Variants in MCPH1 observed in about 807,000 individuals in gnomAD.
MCPH1 encodes microcephalin 1.
A neutral mutation model predicts 84.5 loss-of-function variants in MCPH1; 104 were observed. The ratio of observed to expected loss-of-function variants is 1.23; its 90% confidence interval spans 1.05 to 1.45. The LOEUF is 1.45. Among genes scored for constraint, MCPH1 ranks in the 40% most tolerant of loss-of-function variants. The pLI, the probability that MCPH1 is intolerant of heterozygous loss-of-function variation, is 0.00. For synonymous variants in MCPH1, 514 were observed against 366.8 expected (o/e 1.40, Z -4.58); for missense variants, 1,498 against 1,005.7 (o/e 1.49, Z -6.62).
At chr8:6,637,364 A>C (rs1477087391) in intron 13 of MCPH1, among the ~76,000 whole-genome samples, 1 of 152,182 alleles carries the variant, frequency 6.6e-6, no homozygotes, top group Non-Finnish European at 1.5e-5. Context: ...CAGATGATGA[A>C]GAGAAGGATG....
At chr8:6,484,023 A>G (rs1171662644) in intron 11 of MCPH1, among the ~76,000 whole-genome samples, 1 of 152,230 alleles carries the variant, frequency 6.6e-6, no homozygotes, top group Non-Finnish European at 1.5e-5. Flanking sequence ...GTGTAGGCAA[A>G]GAGTTCTTAG....
At chr8:6,605,904 C>T (rs1352049610) in intron 12 of MCPH1, among the ~76,000 whole-genome samples, 3 of 152,090 alleles carry the variant, frequency 2.0e-5, no homozygotes, top group African/African-American at 4.8e-5. Flanking sequence ...TCCATGTTGG[C>T]CAGGCTGGTC....
intron 9 of MCPH1, among the ~76,000 whole-genome samples, chr8:6,462,298 C>A (rs1416551180): frequency 6.6e-6 from 1 of 152,118 alleles, no homozygotes; most frequent in Non-Finnish European, 1.5e-5. Flanking sequence ...AGAATATGAG[C>A]CCATAAGGAC....
At position 6,479,273 on chromosome 8, in the gene MCPH1, A is replaced by G. The variant is rs761232230; in HGVS notation, c.1974-1441A>G. 2.6e-5 allele frequency among the ~76,000 whole-genome samples: 4 copies of G among 151,602 alleles called. No homozygotes were observed. In the Admixed American group the frequency reaches 2.6e-4, roughly 10 times the overall value. ...CAGAGTGAGACCCTGTCTCAAAACA[A>G]TAAAATAAAACTAAGGAACACCATC... On this transcript the variant is annotated intron_variant, in intron 10 of 13. Coordinates refer to ENST00000344683, the MANE Select transcript of MCPH1 (RefSeq NM_024596.5).
Position 6,421,157 on chromosome 8 carries a change from G to A in MCPH1, c.233+6274G>A, listed in dbSNP as rs189281618. Among the ~76,000 whole-genome samples, 25 of 152,236 alleles carry A rather than the reference G, an allele frequency of 1.6e-4. 1 individual carries two copies. The highest frequency in any genetic ancestry group is 4.6e-4 in the Admixed American group (7 of 15,284). Reference sequence around the variant, plus strand: ...TCTGAAGCTTTCTTCCCGTTTCTCCGCCATTTTGTCTCTTAATGTGCATGC... The same window carrying A: ...TCTGAAGCTTTCTTCCCGTTTCTCCACCATTTTGTCTCTTAATGTGCATGC... On this transcript the variant is annotated intron_variant, in intron 3 of 13. Transcript: ENST00000344683.
intron 12 of MCPH1, among the ~76,000 whole-genome samples, chr8:6,524,185 G>A (rs1817913246): frequency 6.6e-6 from 1 of 152,088 alleles, no homozygotes; most frequent in African/African-American, 2.4e-5. Context: ...TAAAGGAAGG[G>A]GACCTCATAT....
chr8:6,445,217 G>A lies in MCPH1; in HGVS notation c.1495G>A (p.Val499Met), dbSNP rs146586991. The A allele has an allele frequency of 6.3e-4, 1,021 of 1,614,256 alleles. 8 individuals carry two copies. The African/African-American group carries it at 0.012, about 18-fold the overall frequency. Residue 499 changes from valine to methionine, a missense_variant, in exon 8 of 14, where the codon GTG (valine) becomes ATG (methionine). Physicochemically the swap from Val to Met is conservative, Grantham distance 21. Coordinates refer to ENST00000344683, the MANE Select transcript of MCPH1 (RefSeq NM_024596.5). ...NGEGRATSSC[V>M]TSAPEEALRC... is the part of the protein sequence containing the mutation. ...TGAAGGCCGTGCAACTTCGAGTTGC[G>A]TGACTTCTGCCCCTGAAGAAGCCCT...
At chr8:6,587,445 C>CT (rs1828086699) in intron 12 of MCPH1, among the ~76,000 whole-genome samples, 2 of 152,276 alleles carry the variant, frequency 1.3e-5, no homozygotes, top group South Asian at 4.1e-4. Context: ...GGTTGGATGG[C>CT]TTTTGGCAAT....
At chr8:6,427,115 T>C (rs1307946383) in intron 3 of MCPH1, among the ~76,000 whole-genome samples, 2 of 152,210 alleles carry the variant, frequency 1.3e-5, no homozygotes, top group African/African-American at 4.8e-5. Flanking sequence ...TAAGTATTTG[T>C]GTCTCTGAAA....
intron 12 of MCPH1, among the ~76,000 whole-genome samples, chr8:6,572,186 GAA>G (rs10706929): frequency 3.8e-4 from 56 of 149,250 alleles, no homozygotes; most frequent in Admixed American, 9.3e-4. Flanking sequence ...TTTCCCTCAA[GAA>G]AAAAAAAAAA....
rs759315047 is a variant in MCPH1 at position 6,601,686 on chromosome 8, C to G, written c.2215-19768C>G. Among the ~76,000 whole-genome samples, 96 of 149,120 alleles carry G rather than the reference C, an allele frequency of 6.4e-4. 1 individual carries two copies. The highest frequency in any genetic ancestry group is 1.2e-3 in the Non-Finnish European group (84 of 67,798). On this transcript the variant is annotated intron_variant, in intron 12 of 13. Coordinates refer to ENST00000344683, the MANE Select transcript of MCPH1 (RefSeq NM_024596.5). ...CATTAAATACACATGCCACTACACA[C>G]AGTGCATACCACACACAACACACAC... is the stretch of plus-strand genomic sequence containing the variant.
In MCPH1 at chr8:6,642,977, T is replaced by C. The variant is rs774057990; in HGVS notation, c.2453-17T>C. On this transcript the variant is annotated splice_polypyrimidine_tract_variant and intron_variant, in intron 13 of 13. Coordinates refer to ENST00000344683, the MANE Select transcript of MCPH1 (RefSeq NM_024596.5). ...TGGCTATTATGAATGCTAAACTGCT[T>C]TTCGCTCTCTCTCTAGATTCCATCA... 10 of 1,613,204 alleles carry C rather than the reference T, an allele frequency of 6.2e-6. No homozygotes were observed. In the East Asian group the frequency reaches 2.2e-4, roughly 36 times the overall value.
intron 12 of MCPH1, chr8:6,527,578 T>C: frequency 6.2e-7 from 1 of 1,614,018 alleles, no homozygotes; most frequent in South Asian, 1.1e-5. Context: ...GCAATTTGTT[T>C]ATTTCACTGG....
At chr8:6,544,586 T>C (rs1822202133) in intron 12 of MCPH1, among the ~76,000 whole-genome samples, 1 of 152,148 alleles carries the variant, frequency 6.6e-6, no homozygotes, top group South Asian at 2.1e-4. Context: ...ATTCATGTAT[T>C]GGAGGGGGAG....
chr8:6,507,915 A>G (rs1397642472), intron 12 of MCPH1: 1 of 152,070 alleles, frequency 6.6e-6, no homozygotes, highest in African/African-American at 2.4e-5. Context: ...CTTTATTCCT[A>G]TGTTTGAACT....
At chr8:6,494,702 A>C (rs980664388) in intron 11 of MCPH1, among the ~76,000 whole-genome samples, 10 of 152,210 alleles carry the variant, frequency 6.6e-5, no homozygotes, top group Admixed American at 5.9e-4. Flanking sequence ...AGGTAAATCC[A>C]TAGAATAGAA....
intron 8 of MCPH1, among the ~76,000 whole-genome samples, chr8:6,454,795 C>T (rs1805501232): frequency 6.6e-6 from 1 of 152,232 alleles, no homozygotes; most frequent in Non-Finnish European, 1.5e-5. Flanking sequence ...GAACTGCCTA[C>T]TCTGAAGAGC....
intron 1 of MCPH1, chr8:6,407,025 C>G: frequency 2.8e-6 from 1 of 355,532 alleles, no homozygotes; most frequent in Non-Finnish European, 5.2e-6. Flanking sequence ...CTCAATCCCC[C>G]GCTGCCTGCT....
At chr8:6,607,873 T>C (rs1829921089) in intron 12 of MCPH1, among the ~76,000 whole-genome samples, 1 of 152,228 alleles carries the variant, frequency 6.6e-6, no homozygotes, top group Non-Finnish European at 1.5e-5. Flanking sequence ...GTCTTGGGTA[T>C]GTCTATATCA....
Sources: allele counts gnomAD v4.1 joint callset (sites outside exome capture counted in the v4.1 genomes callset), GRCh38; gene constraint gnomAD v4.1.1; transcripts MANE v1.5; gene names NCBI Gene and HGNC (gene_info 2026-07-23, HGNC 2026-07-21).